SNTB2: variants seen among roughly 807,000 people sequenced by gnomAD.
SNTB2 encodes the protein beta-2-syntrophin.
In SNTB2, 34 loss-of-function variants were observed where a neutral mutation model predicts 46.2. That is an observed-to-expected ratio of 0.74 (90% CI 0.56 to 0.98). The LOEUF (loss-of-function observed/expected upper bound fraction) is 0.98. Ranked by LOEUF, SNTB2 falls within the 50% of genes least tolerant of loss-of-function variation. The pLI, the probability that SNTB2 is intolerant of heterozygous loss-of-function variation, is 0.00. For synonymous variants in SNTB2, 290 were observed against 312.6 expected, an observed-to-expected ratio of 0.93 and a Z score of 0.76; for missense variants, 603 against 731.4, an observed-to-expected ratio of 0.82 and a Z score of 2.02.
At chr16:69,292,243 A>G (rs554995801) in intron 5 of SNTB2, among the ~76,000 whole-genome samples, 1 of 149,398 alleles carries the variant, frequency 6.7e-6, no homozygotes, top group African/African-American at 2.5e-5. Flanking sequence ...TCTCAAAAAA[A>G]TAAATATAAA....
intron 1 of SNTB2, among the ~76,000 whole-genome samples, chr16:69,216,691 C>A (rs912582991): frequency 2.0e-5 from 3 of 151,686 alleles, no homozygotes; most frequent in East Asian, 1.9e-4. Flanking sequence ...CTGCCCCCCC[C>A]CCAAAAAAAA....
chr16:69,214,820 C>G (rs1359042088), intron 1 of SNTB2, among the ~76,000 whole-genome samples: 1 of 151,404 alleles, frequency 6.6e-6, no homozygotes. Context: ...AGCCACCGTG[C>G]CTGGCCTGTT....
At chr16:69,281,471 G>A (rs756785304) in intron 4 of SNTB2, among the ~76,000 whole-genome samples, 14 of 146,672 alleles carry the variant, frequency 9.5e-5, no homozygotes, top group African/African-American at 1.7e-4. Context: ...TTTGTGAAAA[G>A]TATGTAAGGT....
At chr16:69,215,437 G>C (rs982443778) in intron 1 of SNTB2, among the ~76,000 whole-genome samples, 7 of 152,082 alleles carry the variant, frequency 4.6e-5, no homozygotes, top group African/African-American at 1.7e-4. Flanking sequence ...AAGCCATTAT[G>C]GTTCATACGT....
chr16:69,240,636 G>A (rs1964602102), intron 1 of SNTB2: 1 of 152,196 alleles, frequency 6.6e-6, no homozygotes, highest in Admixed American at 6.5e-5. Flanking sequence ...AAATAATGTT[G>A]TGTGACTAAC....
intron 5 of SNTB2, among the ~76,000 whole-genome samples, chr16:69,284,489 A>G (rs1431486707): frequency 2.4e-5 from 3 of 124,236 alleles, no homozygotes; most frequent in African/African-American, 9.4e-5. Context: ...AAAAAAAAAA[A>G]AAATCCGTGC....
At chr16:69,290,595 G>A (rs1029830339) in intron 5 of SNTB2, among the ~76,000 whole-genome samples, 8 of 152,044 alleles carry the variant, frequency 5.3e-5, no homozygotes, top group African/African-American at 7.2e-5. Flanking sequence ...TTTACTCATC[G>A]GTTTGGCAAA....
At chr16:69,265,178 G>A (rs1215894562) in intron 3 of SNTB2, among the ~76,000 whole-genome samples, 1 of 152,176 alleles carries the variant, frequency 6.6e-6, no homozygotes, top group Non-Finnish European at 1.5e-5. Flanking sequence ...GAACCCAGGA[G>A]GCGGAGCTTG....
intron 1 of SNTB2, among the ~76,000 whole-genome samples, chr16:69,216,460 A>T (rs1477216601): frequency 6.6e-6 from 1 of 151,724 alleles, no homozygotes; most frequent in East Asian, 1.9e-4. Context: ...CGGTGGGAGG[A>T]TTGCATGAGA....
At chr16:69,207,421 G>A (rs376169530) in intron 1 of SNTB2, among the ~76,000 whole-genome samples, 1 of 152,066 alleles carries the variant, frequency 6.6e-6, no homozygotes, top group African/African-American at 2.4e-5. Flanking sequence ...GCCTCCCAAA[G>A]TGCTGGGATT....
At position 69,229,259 on chromosome 16, in the gene SNTB2, A is replaced by C. The variant is rs192889864; in HGVS notation, c.581-16343A>C. On this transcript the variant is annotated intron_variant, in intron 1 of 6. Coordinates refer to ENST00000336278, the MANE Select transcript of SNTB2 (RefSeq NM_006750.4). ...CGATCAAGACACTGTAGCCTCAGCC[A>C]CCCAGGCTCAGATGATCCTCCCACT... Among the ~76,000 whole-genome samples, 542 of 152,172 alleles carry C rather than the reference A, an allele frequency of 3.6e-3. 3 individuals are homozygous for C. The highest frequency in any genetic ancestry group is 0.012 in the African/African-American group (512 of 41,548).
chr16:69,281,499 G>GT (rs1182165949), intron 4 of SNTB2, among the ~76,000 whole-genome samples: 1,197 of 111,592 alleles, frequency 0.011, 4 homozygotes, highest in Non-Finnish European at 0.012. Flanking sequence ...TTTTTTTTTT[G>GT]TTTTTTTTTT....
In SNTB2 at chr16:69,307,835, A is replaced by G. The variant is rs903336228; in HGVS notation, c.*6911A>G. 3.3e-5 allele frequency: 5 copies of G among 152,210 alleles called. No individual in the cohort carries two copies. The highest frequency in any genetic ancestry group is 7.3e-5 in the Non-Finnish European group (5 of 68,042). The allele number at this position is 152,210 out of a possible 1,614,324, so 9.4% of individuals were successfully genotyped here. ...TTTAACATTTAAAAAATAAAAATTA[A>G]CAAAATTTCACTTATTCCAGGACAC... On this transcript the variant is annotated 3_prime_UTR_variant, in exon 7 of 7. Coordinates refer to ENST00000336278, the MANE Select transcript of SNTB2 (RefSeq NM_006750.4).
chr16:69,257,308 T>C (rs1478531231), intron 2 of SNTB2, among the ~76,000 whole-genome samples: 1 of 152,098 alleles, frequency 6.6e-6, no homozygotes, highest in Non-Finnish European at 1.5e-5. Context: ...GAACTGTATC[T>C]AAATAAAAAG....
intron 1 of SNTB2, among the ~76,000 whole-genome samples, chr16:69,243,648 C>T (rs113248021): frequency 2.4e-4 from 37 of 152,250 alleles, no homozygotes; most frequent in Non-Finnish European, 4.9e-4. Flanking sequence ...CTGCCATTTG[C>T]AGTAACTGGA....
intron 1 of SNTB2, among the ~76,000 whole-genome samples, chr16:69,213,160 G>C (rs1199775084): frequency 6.6e-6 from 1 of 151,930 alleles, no homozygotes; most frequent in South Asian, 2.1e-4. Flanking sequence ...ATTTTATAAG[G>C]TTATTGTGAG....
chr16:69,240,093 G>A (rs534425462), intron 1 of SNTB2, among the ~76,000 whole-genome samples: 2 of 152,224 alleles, frequency 1.3e-5, no homozygotes, highest in South Asian at 2.1e-4. Flanking sequence ...GAACATTAGT[G>A]TACAGGCTTT....
chr16:69,242,255 G>T (rs1200102037), intron 1 of SNTB2, among the ~76,000 whole-genome samples: 1 of 152,020 alleles, frequency 6.6e-6, no homozygotes, highest in East Asian at 1.9e-4. Flanking sequence ...GCAAGACCTT[G>T]TCTCTACAAA....
intron 1 of SNTB2, among the ~76,000 whole-genome samples, chr16:69,214,136 T>TA (rs1195619004): frequency 2.0e-5 from 3 of 150,172 alleles, no homozygotes; most frequent in Non-Finnish European, 4.4e-5. Flanking sequence ...TATTTTTTTT[T>TA]TTTTTATTTT....
Sources: allele counts gnomAD v4.1 joint callset (sites outside exome capture counted in the v4.1 genomes callset), GRCh38; gene constraint gnomAD v4.1.1; transcripts MANE v1.5; gene names NCBI Gene and HGNC (gene_info 2026-07-23, HGNC 2026-07-21).